Variants in CALD1 observed in about 807,000 individuals in gnomAD.
The protein encoded by CALD1 is caldesmon 1.
Under a neutral mutation model 99.9 loss-of-function variants are expected in CALD1, and 33 were observed. The ratio of observed to expected loss-of-function variants is 0.33; its 90% confidence interval spans 0.25 to 0.44. The LOEUF is 0.44. Among genes scored for constraint, CALD1 ranks in the 20% least tolerant of loss-of-function variants. The pLI is 1.00. For missense variants in CALD1, 861 were observed against 962.1 expected (o/e 0.89, Z 1.39); for synonymous variants, 310 against 325.0 (o/e 0.95, Z 0.50).
intron 1 of CALD1, among the ~76,000 whole-genome samples, chr7:134,839,057 C>A (rs1242098805): frequency 6.6e-6 from 1 of 152,154 alleles, no homozygotes; most frequent in Non-Finnish European, 1.5e-5. Context: ...CATTCAGAAG[C>A]ACCCTAAATG....
chr7:134,780,629 C>A (rs1032742147), intron 1 of CALD1, among the ~76,000 whole-genome samples: 2 of 152,030 alleles, frequency 1.3e-5, no homozygotes, highest in African/African-American at 4.8e-5. Context: ...TACAAGGCAG[C>A]TAGTTGGTAG....
chr7:134,948,956 A>C lies in CALD1; in HGVS notation c.1794+1187A>C, dbSNP rs1807126735. On this transcript the variant is annotated intron_variant, in intron 8 of 14. Coordinates refer to ENST00000361675, the MANE Select transcript of CALD1 (RefSeq NM_033138.4). Reference sequence around the variant, plus strand: ...GAATGCAGTGGTGCAATCTCGGAACACACCCAGTCTTCTATCCTAACTCTG... The same window carrying C: ...GAATGCAGTGGTGCAATCTCGGAACCCACCCAGTCTTCTATCCTAACTCTG... 4.0e-5 allele frequency among the ~76,000 whole-genome samples: 6 copies of C among 151,872 alleles called. 1 individual carries two copies. The South Asian group carries it at 1.2e-3, about 32-fold the overall frequency.
chr7:134,777,892 C>T (rs1420122742), upstream of CALD1, among the ~76,000 whole-genome samples: 2 of 152,130 alleles, frequency 1.3e-5, no homozygotes, highest in African/African-American at 2.4e-5. Context: ...GGCCGTGTTC[C>T]GAAAATTTAT....
chr7:134,918,706 C>G (rs1194076632), intron 3 of CALD1, among the ~76,000 whole-genome samples: 1 of 152,140 alleles, frequency 6.6e-6, no homozygotes, highest in Non-Finnish European at 1.5e-5. Flanking sequence ...TTAAAGTAGT[C>G]ATGTACATGG....
chr7:134,930,057 A>G (rs1805413364), intron 4 of CALD1, among the ~76,000 whole-genome samples: 1 of 152,134 alleles, frequency 6.6e-6, no homozygotes, highest in African/African-American at 2.4e-5. Context: ...TTTTTCTAAT[A>G]TACAGCCTGA....
At chr7:134,818,422 ATCT>A (rs1798640653) in intron 1 of CALD1, among the ~76,000 whole-genome samples, 1 of 152,204 alleles carries the variant, frequency 6.6e-6, no homozygotes, top group African/African-American at 2.4e-5. Flanking sequence ...ATTGCAGAAG[ATCT>A]TCTACTTAAA....
the CALD1 span, among the ~76,000 whole-genome samples, chr7:134,717,055 A>G: frequency 1.3e-5 from 2 of 152,212 alleles, no homozygotes; most frequent in African/African-American, 2.4e-5. Flanking sequence ...TTTAATTTTT[A>G]GGACGGTATA....
At chr7:134,808,768 A>C (rs1340080870) in intron 1 of CALD1, among the ~76,000 whole-genome samples, 3 of 152,226 alleles carry the variant, frequency 2.0e-5, no homozygotes, top group Admixed American at 6.5e-5. Flanking sequence ...TATTGAAAAC[A>C]TCAATCTTAG....
intron 8 of CALD1, among the ~76,000 whole-genome samples, chr7:134,948,650 T>C (rs1056133803): frequency 6.6e-6 from 1 of 152,144 alleles, no homozygotes; most frequent in Admixed American, 6.6e-5. Flanking sequence ...GCTTTTGAGA[T>C]AGCGATCTCC....
intron 1 of CALD1, among the ~76,000 whole-genome samples, chr7:134,834,680 T>C (rs1004579129): frequency 6.6e-6 from 1 of 152,204 alleles, no homozygotes; most frequent in African/African-American, 2.4e-5. Context: ...AAGGGCCATG[T>C]ATTTGTATTC....
the CALD1 span, among the ~76,000 whole-genome samples, chr7:134,733,158 A>G: frequency 6.6e-6 from 1 of 152,330 alleles, no homozygotes. Flanking sequence ...ACAATGCTTT[A>G]TTTTTAATAA....
At chr7:134,791,310 C>T (rs1176765244) in intron 1 of CALD1, among the ~76,000 whole-genome samples, 1 of 152,218 alleles carries the variant, frequency 6.6e-6, no homozygotes, top group Non-Finnish European at 1.5e-5. Context: ...GATTCTTTCA[C>T]CTCAGCCTCC....
intron 3 of CALD1, among the ~76,000 whole-genome samples, chr7:134,901,771 G>C (rs987599549): frequency 6.6e-6 from 1 of 152,032 alleles, no homozygotes; most frequent in Non-Finnish European, 1.5e-5. Flanking sequence ...TAACTCCAGT[G>C]CTTCCATAAT....
chr7:134,889,877 C>A (rs1802061712), intron 3 of CALD1, among the ~76,000 whole-genome samples: 1 of 152,066 alleles, frequency 6.6e-6, no homozygotes, highest in Admixed American at 6.5e-5. Flanking sequence ...ACTGTATTTA[C>A]TCTATAAACT....
chr7:134,897,908 T>C (rs1276323579), intron 3 of CALD1, among the ~76,000 whole-genome samples: 2 of 151,948 alleles, frequency 1.3e-5, no homozygotes, highest in Non-Finnish European at 2.9e-5. Context: ...GGGGTCTCGC[T>C]GTATTGCCCA....
At position 134,754,066 on chromosome 7, in the gene CALD1, G is replaced by A. The variant is rs1796707620; in HGVS notation, c.-130+9703G>A. ...GTTTAACACGTAACTTCTGTGGGAT[G>A]AGATGAAGTCCCAGCCCATCCATCT... is the stretch of plus-strand genomic sequence containing the variant. On this transcript the variant is annotated intron_variant, in intron 1 of 13. Coordinates refer to the CALD1 transcript ENST00000417172. Among the ~76,000 whole-genome samples, 3 of 152,216 alleles carry A rather than the reference G, an allele frequency of 2.0e-5. No individual in the cohort carries two copies. In the South Asian group the frequency reaches 6.2e-4, roughly 32 times the overall value.
intron 1 of CALD1, among the ~76,000 whole-genome samples, chr7:134,831,728 T>G (rs1291843383): frequency 6.6e-6 from 1 of 152,200 alleles, no homozygotes; most frequent in Non-Finnish European, 1.5e-5. Context: ...AGAGATTTGA[T>G]GATTTTTGTT....
At chr7:134,746,384 G>A (rs1015533089) in intron 1 of CALD1, among the ~76,000 whole-genome samples, 5 of 152,184 alleles carry the variant, frequency 3.3e-5, no homozygotes, top group Admixed American at 6.5e-5. Context: ...CCAGAGCTGT[G>A]AGAAATACAT....
At chr7:134,776,855 T>C (rs528653404), upstream of CALD1, among the ~76,000 whole-genome samples, 2 of 152,330 alleles carry the variant, frequency 1.3e-5, no homozygotes, top group South Asian at 4.1e-4. Flanking sequence ...AAATATAATT[T>C]CTTGCTACTG....
Sources: gnomAD v4.1 joint callset for allele counts (sites outside exome capture counted in the v4.1 genomes callset) on GRCh38, gnomAD v4.1.1 for gene constraint, MANE v1.5 for transcripts, NCBI Gene and HGNC (gene_info 2026-07-23, HGNC 2026-07-21) for gene names.